Variants in CNTNAP2 observed in about 807,000 individuals in gnomAD.
CNTNAP2 encodes contactin-associated protein-like 2.
Under a neutral mutation model 155.2 loss-of-function variants are expected in CNTNAP2, and 98 were observed. That is an observed-to-expected ratio of 0.63 (90% CI 0.54 to 0.75). The LOEUF (loss-of-function observed/expected upper bound fraction) is 0.75, where lower values mean the gene tolerates loss of function less well. CNTNAP2 is among the 30% of genes least tolerant of loss of function. CNTNAP2 has a pLI of 0.00. For synonymous variants in CNTNAP2, 651 were observed against 631.2 expected (o/e 1.03, Z -0.47); for missense variants, 1,727 against 1,688.1 (o/e 1.02, Z -0.40).
At chr7:146,631,262 T>G (rs1057194442) in intron 1 of CNTNAP2, among the ~76,000 whole-genome samples, 2 of 152,274 alleles carry the variant, frequency 1.3e-5, no homozygotes, top group Middle Eastern at 3.4e-3. Context: ...ATTTTTCGAC[T>G]GCATTTGAAA....
chr7:148,259,179 TAAAAAAAAAAAAAAA>T (rs34229180), intron 20 of CNTNAP2, among the ~76,000 whole-genome samples: 5 of 24,018 alleles, frequency 2.1e-4, no homozygotes, highest in African/African-American at 7.2e-4. Context: ...AACTCCGTCT[TAAAAAAAAAAAAAAA>T]AAAAAAAAAA....
chr7:146,772,663 G>T (rs552372892), intron 1 of CNTNAP2, among the ~76,000 whole-genome samples: 207 of 151,854 alleles, frequency 1.4e-3, no homozygotes, highest in Non-Finnish European at 2.3e-3. Flanking sequence ...AGTGACACTC[G>T]GTCTCAAATA....
At chr7:146,932,808 G>T (rs988802767) in intron 3 of CNTNAP2, among the ~76,000 whole-genome samples, 1 of 151,880 alleles carries the variant, frequency 6.6e-6, no homozygotes, top group Non-Finnish European at 1.5e-5. Flanking sequence ...CAAACAGAGA[G>T]CCAAATCATG....
chr7:147,699,707 T>C (rs971645036), intron 13 of CNTNAP2, among the ~76,000 whole-genome samples: 8 of 152,146 alleles, frequency 5.3e-5, no homozygotes, highest in African/African-American at 1.7e-4. Context: ...AATATAACAT[T>C]AACCATTTTA....
At chr7:146,636,992 G>A (rs975327050) in intron 1 of CNTNAP2, among the ~76,000 whole-genome samples, 3 of 152,138 alleles carry the variant, frequency 2.0e-5, no homozygotes, top group Non-Finnish European at 2.9e-5. Flanking sequence ...TATAAATTGC[G>A]TATCTCTAAA....
rs144496909 is a variant in CNTNAP2, at chr7:148,118,194, C to A, written c.2460C>A (p.Ser820Arg). ...LHFSTFQGET[S>R]ADISFYFKTL... Reference sequence around the variant, plus strand: ...TCTCTACTTTCCAAGGGGAAACTAGCGCTGACATTTCTTTCTACTTCAAAA... The same window carrying A: ...TCTCTACTTTCCAAGGGGAAACTAGAGCTGACATTTCTTTCTACTTCAAAA... The change falls in exon 16 of 24, where the codon AGC (serine) becomes AGA (arginine). Residue 820 changes from serine (S) to arginine (R), a missense_variant. Transcript: ENST00000361727. The A allele has an allele frequency of 6.8e-6, 11 of 1,614,156 alleles. No individual in the cohort carries two copies. Among genetic ancestry groups the A allele is most frequent in the Admixed American group, 6.7e-5 (4 of 60,016 alleles).
At chr7:148,000,343 T>G (rs562906507) in intron 15 of CNTNAP2, among the ~76,000 whole-genome samples, 15 of 152,304 alleles carry the variant, frequency 9.8e-5, no homozygotes, top group African/African-American at 3.4e-4. Flanking sequence ...CGGGATGATG[T>G]TGACAGCTAT....
intron 3 of CNTNAP2, among the ~76,000 whole-genome samples, chr7:146,933,331 A>T (rs533571330): frequency 1.3e-5 from 2 of 152,034 alleles, no homozygotes; most frequent in African/African-American, 2.4e-5. Flanking sequence ...AAAACAGGCA[A>T]TGGGGAAAGG....
At chr7:147,951,539 A>C (rs888015863) in intron 14 of CNTNAP2, among the ~76,000 whole-genome samples, 5 of 152,216 alleles carry the variant, frequency 3.3e-5, no homozygotes, top group African/African-American at 1.2e-4. Flanking sequence ...GGATAAAAAT[A>C]GTCAGAAATG....
chr7:147,358,333 T>C (rs1016949817), intron 9 of CNTNAP2, among the ~76,000 whole-genome samples: 5 of 152,162 alleles, frequency 3.3e-5, no homozygotes, highest in Non-Finnish European at 5.9e-5. Flanking sequence ...CAAATAGATA[T>C]GTACTTTTTA....
At chr7:148,107,083 C>A (rs943045349) in intron 15 of CNTNAP2, among the ~76,000 whole-genome samples, 2 of 152,182 alleles carry the variant, frequency 1.3e-5, no homozygotes, top group Non-Finnish European at 2.9e-5. Context: ...GACTTGTTCC[C>A]ACCCTCCAAA....
chr7:146,719,454 G>A (rs1372108727), intron 1 of CNTNAP2, among the ~76,000 whole-genome samples: 2 of 152,104 alleles, frequency 1.3e-5, no homozygotes, highest in Non-Finnish European at 2.9e-5. Flanking sequence ...TTAGTGAATC[G>A]AAATCATGTT....
At chr7:146,653,887 C>G (rs1384907307) in intron 1 of CNTNAP2, among the ~76,000 whole-genome samples, 1 of 152,066 alleles carries the variant, frequency 6.6e-6, no homozygotes, top group African/African-American at 2.4e-5. Flanking sequence ...GATCACATAA[C>G]TGGTTAGTGG....
Position 147,566,307 on chromosome 7 carries a change from G to A in CNTNAP2, c.1897+4050G>A, listed in dbSNP as rs532845664. 2.5e-3 allele frequency among the ~76,000 whole-genome samples: 314 copies of A among 126,510 alleles called. 4 individuals carry two copies. The highest frequency in any genetic ancestry group is 4.0e-3 in the Middle Eastern group (1 of 248). The allele number at this position is 126,510 out of a possible 152,430, so 83.0% of individuals were successfully genotyped here. A position where few individuals can be genotyped will look rare whatever the true frequency, so the allele number is the denominator to read the frequency against. Reference sequence around the variant, plus strand: ...ACCCTGCCAAGAAGAAGAAGGAGGAGGAGTAAGAGGAGGAGGAGGGGTAGA... The same window carrying A: ...ACCCTGCCAAGAAGAAGAAGGAGGAAGAGTAAGAGGAGGAGGAGGGGTAGA... On this transcript the variant is annotated intron_variant, in intron 12 of 23. Coordinates refer to ENST00000361727, the MANE Select transcript of CNTNAP2 (RefSeq NM_014141.6).
At chr7:146,223,643 C>G (rs1392709108) in intron 1 of CNTNAP2, among the ~76,000 whole-genome samples, 4 of 152,168 alleles carry the variant, frequency 2.6e-5, no homozygotes, top group South Asian at 2.1e-4. Context: ...GAGTTACTAT[C>G]TTCTTAACTG....
At chr7:146,854,184 C>A (rs1416383665) in intron 3 of CNTNAP2, among the ~76,000 whole-genome samples, 1 of 152,180 alleles carries the variant, frequency 6.6e-6, no homozygotes, top group Admixed American at 6.5e-5. Context: ...GGATGTGTGG[C>A]AATCTCCAAT....
At chr7:147,646,112 A>T (rs1795361343) in intron 13 of CNTNAP2, among the ~76,000 whole-genome samples, 1 of 152,088 alleles carries the variant, frequency 6.6e-6, no homozygotes. Flanking sequence ...GCCAGCTGGG[A>T]CTTGAGAGAA....
chr7:147,515,030 T>C (rs1255135438), intron 11 of CNTNAP2, among the ~76,000 whole-genome samples: 1 of 152,168 alleles, frequency 6.6e-6, no homozygotes, highest in Non-Finnish European at 1.5e-5. Flanking sequence ...TCTTGGCTTC[T>C]ACTGCCCTTC....
rs759797092 is a variant in CNTNAP2, at chr7:147,639,206, C to A, written c.1998C>A (p.Ser666Arg). 2 of 1,613,992 alleles carry A rather than the reference C, an allele frequency of 1.2e-6. No individual in the cohort carries two copies. The highest frequency in any genetic ancestry group is 1.3e-5 in the African/African-American group (1 of 74,920). Residue 666 changes from serine (S) to arginine (R), a missense_variant, in exon 13 of 24, where the codon AGC becomes AGA. Transcript: ENST00000361727. ...EKYSVTQLVY[S>R]ASMDQISAIT... ...ACTCAGTGACACAGCTCGTTTACAG[C>A]GCCTCCATGGACCAGATAAGTGCCA...
Sources: allele counts gnomAD v4.1 joint callset (sites outside exome capture counted in the v4.1 genomes callset), GRCh38; gene constraint gnomAD v4.1.1; transcripts MANE v1.5; gene names NCBI Gene and HGNC (gene_info 2026-07-23, HGNC 2026-07-21).